GRIN2B: variants seen among roughly 807,000 people sequenced by gnomAD.
The protein encoded by GRIN2B is glutamate receptor ionotropic, NMDA 2B.
A neutral mutation model predicts 114.5 loss-of-function variants in GRIN2B; 5 were observed. The observed-to-expected ratio is 0.04, with a 90% CI of 0.02 to 0.09. The LOEUF (loss-of-function observed/expected upper bound fraction) is 0.09, where lower values mean the gene tolerates loss of function less well. GRIN2B is among the 10% of genes least tolerant of loss of function. The probability of loss-of-function intolerance (pLI) is 1.00; values close to 1 mark genes in which losing one functional copy is unlikely to be tolerated. For missense variants in GRIN2B, 1,108 were observed against 1,943.5 expected, an observed-to-expected ratio of 0.57 and a Z score of 8.08; for synonymous variants, 787 against 745.1, an observed-to-expected ratio of 1.06 and a Z score of -0.92.
chr12:13,879,798 G>C (rs186306079), intron 2 of GRIN2B, among the ~76,000 whole-genome samples: 1 of 152,210 alleles, frequency 6.6e-6, no homozygotes, highest in Non-Finnish European at 1.5e-5. Flanking sequence ...CTGACATGCC[G>C]GACACAGCTG....
At chr12:13,845,842 T>A (rs1447958271) in intron 3 of GRIN2B, among the ~76,000 whole-genome samples, 2 of 152,222 alleles carry the variant, frequency 1.3e-5, no homozygotes, top group Non-Finnish European at 2.9e-5. Context: ...CTTTGCAACC[T>A]TTTATGTGCC....
chr12:13,974,597 A>G (rs1164558839), intron 2 of GRIN2B, among the ~76,000 whole-genome samples: 1 of 151,752 alleles, frequency 6.6e-6, no homozygotes, highest in African/African-American at 2.4e-5. Context: ...TAAATCTCCT[A>G]TTTTTTCCTC....
chr12:13,791,358 A>G (rs1864317090), intron 3 of GRIN2B, among the ~76,000 whole-genome samples: 1 of 151,492 alleles, frequency 6.6e-6, no homozygotes, highest in South Asian at 2.1e-4. Flanking sequence ...AGGCTGAGGC[A>G]GGAGAATGGC....
intron 3 of GRIN2B, among the ~76,000 whole-genome samples, chr12:13,836,385 T>A (rs945420048): frequency 3.9e-5 from 6 of 152,202 alleles, no homozygotes; most frequent in African/African-American, 9.7e-5. Context: ...AAACATTTTA[T>A]TTATTCAAAA....
intron 3 of GRIN2B, among the ~76,000 whole-genome samples, chr12:13,864,683 C>T (rs905407700): frequency 1.3e-5 from 2 of 152,162 alleles, no homozygotes; most frequent in African/African-American, 2.4e-5. Flanking sequence ...CAGAATAAAA[C>T]GCTTTTTTCT....
chr12:13,941,292 T>C (rs1233031387), intron 2 of GRIN2B, among the ~76,000 whole-genome samples: 1 of 152,204 alleles, frequency 6.6e-6, no homozygotes, highest in African/African-American at 2.4e-5. Flanking sequence ...AAGCTAAAAA[T>C]GCCTGTAACT....
intron 4 of GRIN2B, among the ~76,000 whole-genome samples, chr12:13,696,746 T>TC (rs982402485): frequency 5.3e-5 from 8 of 152,194 alleles, no homozygotes; most frequent in Admixed American, 5.2e-4. Flanking sequence ...GTTGCCATCC[T>TC]CTTTCATCCT....
intron 4 of GRIN2B, among the ~76,000 whole-genome samples, chr12:13,740,938 C>A (rs967854590): frequency 2.0e-5 from 3 of 152,172 alleles, no homozygotes; most frequent in Non-Finnish European, 4.4e-5. Flanking sequence ...AAGTCTTTAC[C>A]ATGTGTGTCC....
At chr12:13,808,265 G>A (rs1555142324) in intron 3 of GRIN2B, among the ~76,000 whole-genome samples, 2 of 151,966 alleles carry the variant, frequency 1.3e-5, no homozygotes, top group Non-Finnish European at 2.9e-5. Context: ...GAGCTTCTAG[G>A]GCCACTTTGA....
Position 13,554,419 on chromosome 12 carries a change from G to A in GRIN2B, c.*8364C>T, listed in dbSNP as rs1948453395. ...ATATTATTCAAGAAGGGAGTGAGAT[G>A]GGAGATAGGAAGGAGAGTATTTTGG... On this transcript the variant is annotated 3_prime_UTR_variant, in exon 14 of 14. Transcript: ENST00000609686. The A allele has an allele frequency of 1.3e-5, 2 of 152,174 alleles. No homozygotes were observed. The highest frequency in any genetic ancestry group is 2.9e-5 in the Non-Finnish European group (2 of 68,030). The allele number at this position is 152,174 out of a possible 1,614,324, so 9.4% of individuals were successfully genotyped here.
At chr12:13,784,862 G>A (rs1298163510) in intron 3 of GRIN2B, among the ~76,000 whole-genome samples, 2 of 152,218 alleles carry the variant, frequency 1.3e-5, no homozygotes, top group African/African-American at 4.8e-5. Context: ...ACCAACCAAA[G>A]CTGACCACAG....
chr12:13,837,195 G>A (rs1056885092), intron 3 of GRIN2B, among the ~76,000 whole-genome samples: 1 of 152,138 alleles, frequency 6.6e-6, no homozygotes, highest in African/African-American at 2.4e-5. Flanking sequence ...GCCTTTAGGG[G>A]GCTTCACTAT....
intron 12 of GRIN2B, 81 bp downstream of exon 12, chr12:13,569,749 A>G: frequency 1.1e-6 from 1 of 895,484 alleles, no homozygotes; most frequent in Non-Finnish European, 1.7e-6. Flanking sequence ...AGGTTAAAGA[A>G]ATGGAAGAAA....
chr12:13,888,265 GC>G (rs1367374092), intron 2 of GRIN2B, among the ~76,000 whole-genome samples: 22 of 152,252 alleles, frequency 1.4e-4, no homozygotes, highest in Middle Eastern at 3.4e-3. Context: ...AGTTGGTATA[GC>G]TTACTACACA....
At chr12:13,675,448 A>G (rs1384207097) in intron 5 of GRIN2B, among the ~76,000 whole-genome samples, 1 of 152,198 alleles carries the variant, frequency 6.6e-6, no homozygotes, top group Non-Finnish European at 1.5e-5. Context: ...TTTCTTCACC[A>G]AATTATGTTA....
chr12:13,954,460 C>A (rs549663202), intron 2 of GRIN2B, among the ~76,000 whole-genome samples: 1 of 152,182 alleles, frequency 6.6e-6, no homozygotes, highest in Admixed American at 6.5e-5. Context: ...CAGCATTGGT[C>A]ATCAGGCTCT....
Position 13,970,370 on chromosome 12 carries a change from G to A in GRIN2B, c.-19+9558C>T, listed in dbSNP as rs528721643. Among the ~76,000 whole-genome samples, 53 of 152,196 alleles carry A rather than the reference G, an allele frequency of 3.5e-4. No individual in the cohort carries two copies. In the South Asian group the frequency reaches 6.4e-3, roughly 19 times the overall value. On this transcript the variant is annotated intron_variant, in intron 2 of 13. Transcript: ENST00000609686. ...TAAAGCTGGCACTAAAGATACTTTC[G>A]TCTGTTCCACTCTAGTAAATCTCAC...
chr12:13,978,445 G>C (rs779099993), intron 2 of GRIN2B, among the ~76,000 whole-genome samples: 27 of 152,122 alleles, frequency 1.8e-4, no homozygotes, highest in Non-Finnish European at 2.8e-4. Flanking sequence ...CTAGAGAAGG[G>C]GGATAGTGAA....
At chr12:13,953,409 G>T (rs1867529000) in intron 2 of GRIN2B, among the ~76,000 whole-genome samples, 1 of 150,354 alleles carries the variant, frequency 6.7e-6, no homozygotes. Context: ...GGGAGAGATT[G>T]TTGTAGTTAC....
Sources: allele counts gnomAD v4.1 joint callset (sites outside exome capture counted in the v4.1 genomes callset), GRCh38; gene constraint gnomAD v4.1.1; transcripts MANE v1.5; gene names NCBI Gene and HGNC (gene_info 2026-07-23, HGNC 2026-07-21).